UBE2E2: variants seen among roughly 807,000 people sequenced by gnomAD.
UBE2E2 encodes the protein ubiquitin conjugating enzyme E2 E2.
A neutral mutation model predicts 24.7 loss-of-function variants in UBE2E2; 6 were observed. The ratio of observed to expected loss-of-function variants is 0.24; its 90% confidence interval spans 0.13 to 0.48. The LOEUF (loss-of-function observed/expected upper bound fraction) is 0.48, where lower values mean the gene tolerates loss of function less well. Ranked by LOEUF, UBE2E2 falls within the 20% of genes least tolerant of loss-of-function variation. UBE2E2 has a pLI of 0.99. For synonymous variants in UBE2E2, 104 were observed against 83.6 expected (o/e 1.24, Z -1.33); for missense variants, 169 against 245.0 (o/e 0.69, Z 2.07).
intron 5 of UBE2E2, among the ~76,000 whole-genome samples, chr3:23,561,500 T>TA (rs1350810217): frequency 6.6e-6 from 1 of 152,138 alleles, no homozygotes; most frequent in East Asian, 1.9e-4. Flanking sequence ...TGAAGTCAGG[T>TA]AGTGTGATGC....
intron 3 of UBE2E2, among the ~76,000 whole-genome samples, chr3:23,417,992 GC>G (rs1182343799): frequency 6.6e-6 from 1 of 152,184 alleles, no homozygotes; most frequent in African/African-American, 2.4e-5. Context: ...AGCTTGCTGG[GC>G]TCCGTGGGGG....
intron 5 of UBE2E2, among the ~76,000 whole-genome samples, chr3:23,568,407 T>G (rs1375541621): frequency 1.3e-5 from 2 of 152,006 alleles, no homozygotes; most frequent in Admixed American, 6.6e-5. Flanking sequence ...GTGTGCATTA[T>G]AAACAAGTCT....
chr3:23,368,912 A>T (rs1455103271), intron 3 of UBE2E2, among the ~76,000 whole-genome samples: 1 of 152,218 alleles, frequency 6.6e-6, no homozygotes, highest in Non-Finnish European at 1.5e-5. Flanking sequence ...AGTGATTGCC[A>T]TTGGAATTGC....
chr3:23,410,372 C>T (rs1056718679), intron 3 of UBE2E2, among the ~76,000 whole-genome samples: 6 of 152,004 alleles, frequency 3.9e-5, no homozygotes, highest in South Asian at 4.2e-4. Flanking sequence ...TTTCATTGCT[C>T]GCATACTTGA....
chr3:23,509,757 G>A (rs1455709983), intron 4 of UBE2E2, among the ~76,000 whole-genome samples: 4 of 128,596 alleles, frequency 3.1e-5, no homozygotes, highest in African/African-American at 9.2e-5. Context: ...GCCCCGGTGT[G>A]TGATGTTCCC....
chr3:23,352,168 A>T (rs1415840207), intron 3 of UBE2E2, among the ~76,000 whole-genome samples: 2 of 152,170 alleles, frequency 1.3e-5, no homozygotes, highest in Non-Finnish European at 2.9e-5. Flanking sequence ...AGAAATAAAG[A>T]TGTTCTTTGA....
chr3:23,379,100 T>G (rs1018931111), intron 3 of UBE2E2, among the ~76,000 whole-genome samples: 3 of 152,302 alleles, frequency 2.0e-5, no homozygotes, highest in African/African-American at 7.2e-5. Flanking sequence ...GCTGTTTGAC[T>G]GTCTTGTGAG....
At chr3:23,559,294 G>T (rs913167551) in intron 5 of UBE2E2, among the ~76,000 whole-genome samples, 3 of 151,994 alleles carry the variant, frequency 2.0e-5, no homozygotes, top group African/African-American at 7.3e-5. Context: ...CACTCCCAGA[G>T]GCAAGCAATC....
intron 3 of UBE2E2, among the ~76,000 whole-genome samples, chr3:23,363,315 G>T (rs77430872): frequency 0.029 from 4,442 of 152,302 alleles, 113 homozygotes; most frequent in East Asian, 0.13. Context: ...AACCTTGAAT[G>T]CAAACAGGCT....
At chr3:23,397,122 C>T (rs1488560315) in intron 3 of UBE2E2, among the ~76,000 whole-genome samples, 1 of 152,102 alleles carries the variant, frequency 6.6e-6, no homozygotes, top group East Asian at 1.9e-4. Flanking sequence ...CATATATGAT[C>T]GATCGTGCTA....
chr3:23,514,460 A>G (rs1276570281), intron 4 of UBE2E2, among the ~76,000 whole-genome samples: 2 of 152,118 alleles, frequency 1.3e-5, no homozygotes, highest in African/African-American at 2.4e-5. Context: ...TGCAGTGTGT[A>G]TGTGTTTTCA....
At chr3:23,260,628 C>G (rs756314432) in intron 3 of UBE2E2, among the ~76,000 whole-genome samples, 3 of 152,024 alleles carry the variant, frequency 2.0e-5, no homozygotes, top group Non-Finnish European at 4.4e-5. Flanking sequence ...GCCTGGGCAA[C>G]ATAGTAAAAC....
chr3:23,390,772 G>A (rs1259280575), intron 3 of UBE2E2, among the ~76,000 whole-genome samples: 2 of 152,286 alleles, frequency 1.3e-5, no homozygotes, highest in South Asian at 2.1e-4. Flanking sequence ...CCAGGTAAGC[G>A]AGCCATACCC....
chr3:23,332,867 AC>A (rs1695102398), intron 3 of UBE2E2, among the ~76,000 whole-genome samples: 1 of 152,058 alleles, frequency 6.6e-6, no homozygotes, highest in Admixed American at 6.6e-5. Flanking sequence ...TTTAAAAGAA[AC>A]CCAGCACTTT....
intron 5 of UBE2E2, among the ~76,000 whole-genome samples, chr3:23,565,105 ATTATTTTGTGTCAG>A (rs1303671677): frequency 6.6e-6 from 1 of 152,070 alleles, no homozygotes; most frequent in African/African-American, 2.4e-5. Flanking sequence ...TTTTGTTCCC[ATTATTTTGTGTCAG>A]TTTCATTTAT....
At chr3:23,552,319 C>G (rs1439385043) in intron 5 of UBE2E2, among the ~76,000 whole-genome samples, 2 of 152,196 alleles carry the variant, frequency 1.3e-5, no homozygotes, top group Non-Finnish European at 2.9e-5. Context: ...GGACACTGCA[C>G]TCCAGCCTAA....
intron 3 of UBE2E2, among the ~76,000 whole-genome samples, chr3:23,329,817 C>T (rs1404385634): frequency 6.6e-6 from 1 of 152,210 alleles, no homozygotes; most frequent in African/African-American, 2.4e-5. Flanking sequence ...ACCATCTTTA[C>T]TGTCTGTGAT....
At chr3:23,576,186 TA>T (rs1182387470) in intron 5 of UBE2E2, among the ~76,000 whole-genome samples, 3 of 152,148 alleles carry the variant, frequency 2.0e-5, no homozygotes, top group Non-Finnish European at 4.4e-5. Flanking sequence ...AAGATTTAAA[TA>T]AAACTAGGCT....
chr3:23,297,274 A>C lies in UBE2E2; in HGVS notation c.227+79962A>C, dbSNP rs531674821. Among the ~76,000 whole-genome samples, 634 of 151,810 alleles carry C rather than the reference A, an allele frequency of 4.2e-3. 6 individuals are homozygous for C. The highest frequency in any genetic ancestry group is 0.017 in the Middle Eastern group (5 of 294). On this transcript the variant is annotated intron_variant, in intron 3 of 5. Transcript: ENST00000396703. Reference sequence around the variant, plus strand: ...TTCTGTAGGTTGCCTGTTCACTCTGATGGTAGTTTCTTTTGCTGTGCAGAA... The same window carrying C: ...TTCTGTAGGTTGCCTGTTCACTCTGCTGGTAGTTTCTTTTGCTGTGCAGAA...
Sources: gnomAD v4.1 joint callset for allele counts (sites outside exome capture counted in the v4.1 genomes callset) on GRCh38, gnomAD v4.1.1 for gene constraint, MANE v1.5 for transcripts, NCBI Gene and HGNC (gene_info 2026-07-23, HGNC 2026-07-21) for gene names.